Variants in HNF4A observed in about 807,000 individuals in gnomAD.
The protein encoded by HNF4A is hepatocyte nuclear factor 4-alpha.
HNF4A carries 15 observed loss-of-function variants against 52.4 expected under a neutral mutation model. The ratio of observed to expected loss-of-function variants is 0.29; its 90% confidence interval spans 0.19 to 0.44. The LOEUF (loss-of-function observed/expected upper bound fraction) is 0.44. Ranked by LOEUF, HNF4A falls within the 20% of genes least tolerant of loss-of-function variation. The pLI, the probability that HNF4A is intolerant of heterozygous loss-of-function variation, is 1.00. For synonymous variants in HNF4A, 280 were observed against 264.4 expected, an observed-to-expected ratio of 1.06 and a Z score of -0.57; for missense variants, 479 against 647.2, an observed-to-expected ratio of 0.74 and a Z score of 2.82.
chr20:44,358,461 C>T (rs1210591269), intron 1 of HNF4A, among the ~76,000 whole-genome samples: 3 of 151,738 alleles, frequency 2.0e-5, no homozygotes, highest in African/African-American at 7.3e-5. Flanking sequence ...AATACAAAAA[C>T]TAGCCGGGTA....
chr20:44,426,804 C>A (rs989385971), intron 8 of HNF4A, among the ~76,000 whole-genome samples: 1 of 152,102 alleles, frequency 6.6e-6, no homozygotes, highest in African/African-American at 2.4e-5. Flanking sequence ...AAGGCTCTGT[C>A]TCAACAACAA....
chr20:44,397,915 C>T (rs1244062247), upstream of HNF4A, among the ~76,000 whole-genome samples: 1 of 152,192 alleles, frequency 6.6e-6, no homozygotes, highest in African/African-American at 2.4e-5. Context: ...GTGTGAGCCC[C>T]TGTGCCTGGC....
At chr20:44,403,145 G>T (rs917888141) in intron 1 of HNF4A, among the ~76,000 whole-genome samples, 3 of 152,084 alleles carry the variant, frequency 2.0e-5, no homozygotes, top group African/African-American at 7.2e-5. Context: ...GCTGCTCCCC[G>T]CCCCCATCAC....
chr20:44,367,846 T>C (rs983573539), intron 1 of HNF4A, among the ~76,000 whole-genome samples: 3 of 151,836 alleles, frequency 2.0e-5, no homozygotes, highest in African/African-American at 7.3e-5. Context: ...ATCATACCCA[T>C]TTCTGAGAAA....
intron 5 of HNF4A, among the ~76,000 whole-genome samples, chr20:44,416,046 C>T (rs1381002105): frequency 1.3e-5 from 2 of 152,166 alleles, no homozygotes; most frequent in Non-Finnish European, 2.9e-5. Context: ...CCACCCAAAC[C>T]TCCCTGGCTG....
chr20:44,381,279 C>CTTT (rs11477724), intron 1 of HNF4A, among the ~76,000 whole-genome samples: 1 of 110,124 alleles, frequency 9.1e-6, no homozygotes, highest in African/African-American at 3.6e-5. Context: ...TCAGTGAGAG[C>CTTT]TTTTTTTTTT....
chr20:44,429,391 C>A, intron 9 of HNF4A, 132 bp from the exon 10 acceptor site: 1 of 951,230 alleles, frequency 1.1e-6, no homozygotes, highest in South Asian at 1.5e-5. Context: ...AATTAATTCT[C>A]TCATTTTATA....
chr20:44,385,617 C>T (rs975872286), intron 1 of HNF4A, among the ~76,000 whole-genome samples: 3 of 151,636 alleles, frequency 2.0e-5, no homozygotes, highest in African/African-American at 7.3e-5. Flanking sequence ...TACAGGCATG[C>T]ACCACCACAC....
intron 1 of HNF4A, among the ~76,000 whole-genome samples, chr20:44,357,500 G>C (rs1272218334): frequency 6.6e-6 from 1 of 152,134 alleles, no homozygotes; most frequent in East Asian, 1.9e-4. Flanking sequence ...AGGTCATAAG[G>C]CTAAGCTAGG....
Position 44,429,682 on chromosome 20 carries a change from G to A in HNF4A, c.*17G>A, listed in dbSNP as rs991497265. On this transcript the variant is annotated 3_prime_UTR_variant, in exon 10 of 10. Coordinates refer to ENST00000316099, the MANE Select transcript of HNF4A (RefSeq NM_000457.6). ...GTTATCTAGCAAGCCGCTGGGGCTT[G>A]GGGGCTCCACTGGCTCCCCCCAGCC... The A allele has an allele frequency of 5.6e-6, 9 of 1,613,604 alleles. No homozygotes were observed. The Admixed American group carries it at 6.7e-5, about 12-fold the overall frequency.
intron 5 of HNF4A, among the ~76,000 whole-genome samples, chr20:44,418,195 A>G (rs1167384118): frequency 6.6e-6 from 1 of 152,118 alleles, no homozygotes; most frequent in African/African-American, 2.4e-5. Flanking sequence ...GCCCAAGGAC[A>G]CAGCAGTTCA....
At chr20:44,359,343 A>C (rs1286253331) in intron 1 of HNF4A, among the ~76,000 whole-genome samples, 1 of 152,172 alleles carries the variant, frequency 6.6e-6, no homozygotes, top group Non-Finnish European at 1.5e-5. Context: ...GTCTGCACTT[A>C]CGTGTCTGAA....
At chr20:44,404,908 G>T (rs1568720442) in intron 1 of HNF4A, among the ~76,000 whole-genome samples, 1 of 50,826 alleles carries the variant, frequency 2.0e-5, no homozygotes, top group Non-Finnish European at 3.9e-5. Flanking sequence ...TGGTGTGTGT[G>T]GTGTGTGTGT....
rs2063200268 is a variant in HNF4A, at chr20:44,384,880, C to G, written c.50-21178C>G. The stretch of plus-strand genomic sequence containing the variant: ...ACGTAGATCATGATGGCCCATCCCA[C>G]CAAGTGGCCAACATTTGTTCCCAGA... On this transcript the variant is annotated intron_variant, in intron 1 of 9. Coordinates refer to the HNF4A transcript ENST00000316673. 2.6e-5 allele frequency among the ~76,000 whole-genome samples: 4 copies of G among 152,022 alleles called. No homozygotes were observed. In the South Asian group the frequency reaches 8.3e-4, roughly 32 times the overall value.
upstream of HNF4A, among the ~76,000 whole-genome samples, chr20:44,400,557 G>A (rs1295097852): frequency 1.3e-5 from 2 of 152,090 alleles, no homozygotes; most frequent in Non-Finnish European, 2.9e-5. Context: ...CCGGGAGGGG[G>A]TGGGGGTGAG....
At chr20:44,407,340 A>G (rs1425197997) in intron 2 of HNF4A, 41 bp from the exon 3 acceptor site, 16 of 1,436,832 alleles carry the variant, frequency 1.1e-5, no homozygotes, top group Non-Finnish European at 1.5e-5. Flanking sequence ...AAGAGGAGGA[A>G]GTTGTGTCTT....
chr20:44,414,147 T>C (rs575775396), intron 4 of HNF4A, among the ~76,000 whole-genome samples: 48 of 152,358 alleles, frequency 3.2e-4, no homozygotes, highest in African/African-American at 1.0e-3. Context: ...CTTCCCTTGC[T>C]GAGTGACCTT....
chr20:44,415,696 A>G (rs551839739), intron 5 of HNF4A, among the ~76,000 whole-genome samples: 2 of 152,354 alleles, frequency 1.3e-5, no homozygotes, highest in South Asian at 4.1e-4. Context: ...TTGACTTTGC[A>G]GAGGCCGAGG....
chr20:44,396,117 G>A (rs1385237199), intron 1 of HNF4A, among the ~76,000 whole-genome samples: 2 of 152,144 alleles, frequency 1.3e-5, no homozygotes, highest in African/African-American at 4.8e-5. Flanking sequence ...GCGTAGAGGG[G>A]TGAAGCCCTC....
Sources: gnomAD v4.1 joint callset for allele counts (sites outside exome capture counted in the v4.1 genomes callset) on GRCh38, gnomAD v4.1.1 for gene constraint, MANE v1.5 for transcripts, NCBI Gene and HGNC (gene_info 2026-07-23, HGNC 2026-07-21) for gene names.